CARMIL1: variants seen among roughly 807,000 people sequenced by gnomAD.
CARMIL1 encodes F-actin-uncapping protein LRRC16A.
Under a neutral mutation model 177.1 loss-of-function variants are expected in CARMIL1, and 90 were observed. The ratio of observed to expected loss-of-function variants is 0.51; its 90% CI spans 0.43 to 0.61. The LOEUF is 0.61. Ranked by LOEUF, CARMIL1 falls within the 20% of genes least tolerant of loss-of-function variation. The pLI is 0.00. For missense variants in CARMIL1, 1,380 were observed against 1,667.0 expected, an observed-to-expected ratio of 0.83 and a Z score of 3.00; for synonymous variants, 577 against 606.2, an observed-to-expected ratio of 0.95 and a Z score of 0.71.
chr6:25,341,525 A>C (rs1581624121), intron 2 of CARMIL1, among the ~76,000 whole-genome samples: 1 of 152,350 alleles, frequency 6.6e-6, no homozygotes, highest in East Asian at 1.9e-4. Context: ...GGAGTTCAAG[A>C]CCAGCCAGGC....
chr6:25,463,501 T>A (rs1277126519), intron 8 of CARMIL1, among the ~76,000 whole-genome samples: 2 of 152,248 alleles, frequency 1.3e-5, no homozygotes, highest in Non-Finnish European at 2.9e-5. Flanking sequence ...AAAAGCCAGT[T>A]ATACTTCAAA....
intron 17 of CARMIL1, among the ~76,000 whole-genome samples, chr6:25,504,523 A>C (rs189623230): frequency 6.6e-6 from 1 of 152,328 alleles, no homozygotes; most frequent in African/African-American, 2.4e-5. Flanking sequence ...CTTTCTTACA[A>C]TACAAACATC....
chr6:25,388,706 G>C (rs1243684953), intron 2 of CARMIL1, among the ~76,000 whole-genome samples: 1 of 151,642 alleles, frequency 6.6e-6, no homozygotes, highest in Non-Finnish European at 1.5e-5. Context: ...GTGTTGCTCT[G>C]TCATCTAGGC....
intron 31 of CARMIL1, among the ~76,000 whole-genome samples, chr6:25,584,188 C>T (rs745541394): frequency 1.3e-5 from 2 of 151,266 alleles, no homozygotes; most frequent in Admixed American, 6.6e-5. Flanking sequence ...TTCATACCAC[C>T]ATGCTTGGCT....
intron 35 of CARMIL1, among the ~76,000 whole-genome samples, chr6:25,607,060 A>G (rs544069815): frequency 3.0e-4 from 46 of 152,076 alleles, no homozygotes; most frequent in Middle Eastern, 3.4e-3. Flanking sequence ...AGGTGGGAGG[A>G]TAACTTGAGC....
chr6:25,539,682 G>T (rs1324491096), intron 25 of CARMIL1, among the ~76,000 whole-genome samples: 3 of 149,794 alleles, frequency 2.0e-5, no homozygotes, highest in African/African-American at 4.9e-5. Flanking sequence ...TTATTCCTGT[G>T]GTTTCAAAGC....
At chr6:25,393,761 G>T (rs146947971) in intron 2 of CARMIL1, among the ~76,000 whole-genome samples, 1,612 of 151,558 alleles carry the variant, frequency 0.011, 28 homozygotes, top group African/African-American at 0.036. Context: ...AGAGGCTGAG[G>T]CAGGAGGATC....
At chr6:25,485,454 C>A (rs1172420283) in intron 12 of CARMIL1, among the ~76,000 whole-genome samples, 2 of 152,192 alleles carry the variant, frequency 1.3e-5, no homozygotes, top group African/African-American at 4.8e-5. Context: ...CTCGCTCTGT[C>A]GCTCGGGCTG....
At chr6:25,461,745 T>C (rs1800135787) in intron 8 of CARMIL1, among the ~76,000 whole-genome samples, 1 of 152,238 alleles carries the variant, frequency 6.6e-6, no homozygotes, top group South Asian at 2.1e-4. Flanking sequence ...AATAAGATGC[T>C]GTCAAACTGT....
chr6:25,380,817 C>T (rs1229256367), intron 2 of CARMIL1, among the ~76,000 whole-genome samples: 3 of 152,098 alleles, frequency 2.0e-5, no homozygotes, highest in Admixed American at 6.6e-5. Context: ...TAAGGAGCCA[C>T]AGTCTAGACT....
intron 2 of CARMIL1, among the ~76,000 whole-genome samples, chr6:25,321,240 C>T (rs1007470916): frequency 6.6e-6 from 1 of 152,172 alleles, no homozygotes; most frequent in African/African-American, 2.4e-5. Context: ...CTTTATTGAG[C>T]ACCCACCCAC....
chr6:25,430,894 C>G (rs1034406231), intron 4 of CARMIL1, among the ~76,000 whole-genome samples: 12 of 152,166 alleles, frequency 7.9e-5, no homozygotes, highest in African/African-American at 2.9e-4. Context: ...ATAATATCCA[C>G]TTGTTATACT....
chr6:25,344,807 CTACACG>C (rs561872733), intron 2 of CARMIL1, among the ~76,000 whole-genome samples: 32 of 152,352 alleles, frequency 2.1e-4, no homozygotes, highest in Admixed American at 3.3e-4. Context: ...CTATCTCCAT[CTACACG>C]TACCTTCTCA....
intron 4 of CARMIL1, among the ~76,000 whole-genome samples, chr6:25,428,942 A>G (rs1402051636): frequency 6.6e-6 from 1 of 152,126 alleles, no homozygotes. Flanking sequence ...AGACTTCATC[A>G]TTTTTTACAA....
chr6:25,573,590 C>G (rs565273344), intron 29 of CARMIL1, among the ~76,000 whole-genome samples: 914 of 69,992 alleles, frequency 0.013, 10 homozygotes, highest in Admixed American at 0.018. Context: ...TACCTCTAAG[C>G]AAAAAAAAAA....
intron 12 of CARMIL1, among the ~76,000 whole-genome samples, chr6:25,484,426 A>G (rs953731678): frequency 1.3e-5 from 2 of 152,236 alleles, no homozygotes; most frequent in Non-Finnish European, 2.9e-5. Flanking sequence ...TTATGTGCAC[A>G]CATTTATACA....
intron 29 of CARMIL1, among the ~76,000 whole-genome samples, chr6:25,567,949 A>G (rs1582389529): frequency 6.6e-6 from 1 of 152,212 alleles, no homozygotes; most frequent in African/African-American, 2.4e-5. Flanking sequence ...CTCAGAGGAA[A>G]CCTCTGTCAC....
chr6:25,515,549 G>T lies in CARMIL1; in HGVS notation c.1633-126G>T. The stretch of plus-strand genomic sequence containing the variant: ...AGTTTCTATCCACGAGTGTCTTTTA[G>T]GTAGTAGTTCTAAAATCAGACACGT... On this transcript the variant is annotated intron_variant, in intron 20 of 36. Transcript: ENST00000329474. The surrounding 1 kb of genome is among the most constrained non-coding windows in gnomAD (Gnocchi z 5.0). 1.2e-6 allele frequency: 1 copy of T among 818,608 alleles called. No individual in the cohort carries two copies. Among genetic ancestry groups the T allele is most frequent in the Non-Finnish European group, 1.8e-6 (1 of 549,516 alleles). The allele number at this position is 818,608 out of a possible 1,614,324, so 50.7% of individuals were successfully genotyped here.
rs1237989996 is a variant in CARMIL1, at chr6:25,610,038, G to A, written c.3848-12G>A. ...GTGGAACAGTTTGATTCACGTGTTT[G>A]TGTCTCCTTAGATGACATTCCAGAC... On this transcript the variant is annotated splice_polypyrimidine_tract_variant and intron_variant, in intron 35 of 36. Transcript: ENST00000329474. 12 of 1,609,746 alleles carry A rather than the reference G, an allele frequency of 7.5e-6. No individual in the cohort carries two copies. Among genetic ancestry groups the A allele is most frequent in the Non-Finnish European group, 9.3e-6 (11 of 1,177,852 alleles).
Sources: gnomAD v4.1 joint callset for allele counts (sites outside exome capture counted in the v4.1 genomes callset) on GRCh38, gnomAD v4.1.1 for gene constraint, Gnocchi (gnomAD v3.1) non-coding constraint, MANE v1.5 for transcripts, NCBI Gene and HGNC (gene_info 2026-07-23, HGNC 2026-07-21) for gene names.